The following DBF4B variants were observed in gnomAD, a reference collection of about 807,000 sequenced individuals.
DBF4B encodes the protein protein DBF4 homolog B.
A neutral mutation model predicts 53.4 loss-of-function variants in DBF4B; 49 were observed. The observed-to-expected ratio is 0.92, with a 90% CI of 0.73 to 1.16. The LOEUF (loss-of-function observed/expected upper bound fraction) is 1.16. Among genes scored for constraint, DBF4B ranks in the 50% most tolerant of loss-of-function variants. DBF4B has a pLI of 0.00. For missense variants in DBF4B, 692 were observed against 775.0 expected (o/e 0.89, Z 1.27); for synonymous variants, 257 against 288.7 (o/e 0.89, Z 1.11).
At position 44,751,030 on chromosome 17, in the gene DBF4B, G is replaced by T; in HGVS notation, c.1625G>T (p.Gly542Val). 1 of 1,614,086 alleles carries T rather than the reference G, an allele frequency of 6.2e-7. No homozygotes were observed. Among genetic ancestry groups the T allele is most frequent in the Non-Finnish European group, 8.5e-7 (1 of 1,179,984 alleles). Residue 542 changes from glycine (G) to valine (V), a missense_variant, in exon 14 of 14, where the codon GGA (glycine) becomes GTA (valine). Physicochemically the swap from Gly to Val is moderately radical, Grantham distance 109. This residue lies in a region of DBF4B where 597 missense variants were observed against 665.8 expected (regional missense o/e 0.90). Coordinates refer to ENST00000315005, the MANE Select transcript of DBF4B (RefSeq NM_145663.3). ...EVSPCPCLRLGYLYLLLTQSL... is the reference protein window; with the variant it reads ...EVSPCPCLRLVYLYLLLTQSL... The stretch of plus-strand genomic sequence containing the variant: ...TCCCCTTGCCCCTGTCTCAGACTTG[G>T]ATACCTTTACCTGCTGCTCACACAA...
Position 44,752,203 on chromosome 17 carries a change from G to T in DBF4B, c.*950G>T, listed in dbSNP as rs560074658. 1.1e-5 allele frequency: 6 copies of T among 557,696 alleles called. No homozygotes were observed. The African/African-American group carries it at 1.1e-4, about 11-fold the overall frequency. 34.5% of individuals were successfully genotyped at this position (557,696 alleles called of 1,614,324 possible). A position where few individuals can be genotyped will look rare whatever the true frequency, so the allele number is the denominator to read the frequency against. ...CGGGCCTCAGTTTCCTCGTCTTTAA[G>T]TAAGGGGCTTGGATGAGATGATTTC... On this transcript the variant is annotated 3_prime_UTR_variant, in exon 14 of 14. Transcript: ENST00000315005.
At chr17:44,730,887 T>G in intron 4 of DBF4B, 78 bp from the exon 5 acceptor site, 1 of 1,499,634 alleles carries the variant, frequency 6.7e-7, no homozygotes, top group Non-Finnish European at 9.2e-7. Context: ...ACATAACCCC[T>G]CACCAGCTCC....
At chr17:44,721,944 GACCA>G (rs2144839486) in intron 2 of DBF4B, among the ~76,000 whole-genome samples, 1 of 151,604 alleles carries the variant, frequency 6.6e-6, no homozygotes, top group East Asian at 1.9e-4. Flanking sequence ...TGACCAGCCT[GACCA>G]ACATGGAGAA....
Position 44,709,349 on chromosome 17 carries a change from T to A in DBF4B, c.65T>A (p.Leu22His). ...GAGAGTTCCATGGCTGAGAGTAGGC[T>A]CCGGGCCCCGGACCTAGGTGGGTAA... ...ELESSMAESR[L>H]RAPDLGVSRC... The change falls in exon 2 of 14, where the codon CTC (leucine) becomes CAC (histidine). Residue 22 changes from leucine (L) to histidine (H), a missense_variant. This residue lies in a region of DBF4B where 66 missense variants were observed against 51.3 expected (regional missense o/e 1.29). Coordinates refer to ENST00000315005, the MANE Select transcript of DBF4B (RefSeq NM_145663.3). 1 of 1,614,054 alleles carries A rather than the reference T, an allele frequency of 6.2e-7. No homozygotes were observed. The highest frequency in any genetic ancestry group is 8.5e-7 in the Non-Finnish European group (1 of 1,179,990).
chr17:44,750,039 C>T (rs1473389441), intron 13 of DBF4B: 40 of 1,000,828 alleles, frequency 4.0e-5, no homozygotes, highest in Non-Finnish European at 4.3e-5. Flanking sequence ...CCAGAGCCCC[C>T]TCTGGGACCC....
At position 44,736,533 on chromosome 17, in the gene DBF4B, C is replaced by T. The variant is rs1975451725; in HGVS notation, c.631-297C>T. On this transcript the variant is annotated intron_variant, in intron 7 of 13. Transcript: ENST00000315005. Reference sequence around the variant, plus strand: ...CATTGCAGGTGGCAGAGCTGAAGTACCCACCAGGCCTCTGGGACTCCAGAG... The same window carrying T: ...CATTGCAGGTGGCAGAGCTGAAGTATCCACCAGGCCTCTGGGACTCCAGAG... 2.6e-5 allele frequency among the ~76,000 whole-genome samples: 4 copies of T among 152,176 alleles called. No individual in the cohort carries two copies. In the South Asian group the frequency reaches 8.3e-4, roughly 32 times the overall value.
At chr17:44,732,083 G>A in intron 5 of DBF4B, 95 bp from the exon 6 acceptor site, 1 of 1,210,204 alleles carries the variant, frequency 8.3e-7, no homozygotes, top group South Asian at 1.4e-5. Context: ...TCCCATGGAT[G>A]ACTCAGGCCT....
At chr17:44,736,362 G>C (rs1975431829) in intron 7 of DBF4B, among the ~76,000 whole-genome samples, 1 of 152,124 alleles carries the variant, frequency 6.6e-6, no homozygotes, top group South Asian at 2.1e-4. Context: ...GAGTACACAA[G>C]ATAGGACATA....
At chr17:44,732,013 G>A (rs1440505095) in intron 5 of DBF4B, 165 bp from the exon 6 acceptor site, 6 of 607,772 alleles carry the variant, frequency 9.9e-6, no homozygotes, top group South Asian at 2.0e-5. Flanking sequence ...GTCTTCCTGG[G>A]GGTTGGGATG....
rs1275169871 is a variant in DBF4B, at chr17:44,749,200, C to G, written c.1189+735C>G. 5 of 1,290,012 alleles carry G rather than the reference C, an allele frequency of 3.9e-6. No homozygotes were observed. Among genetic ancestry groups the G allele is most frequent in the Non-Finnish European group, 5.1e-6 (5 of 988,868 alleles). 79.9% of individuals were successfully genotyped at this position (1,290,012 alleles called of 1,614,324 possible). A position where few individuals can be genotyped will look rare whatever the true frequency, so the allele number is the denominator to read the frequency against. ...AGCCAGTGCGGGAGCCAGCTGTTCC[C>G]GATGCCTCTGGGCCCCCCAGCCTCT... is the stretch of plus-strand genomic sequence containing the variant. On this transcript the variant is annotated intron_variant, in intron 13 of 13. Transcript: ENST00000315005. This position sits in a 1 kb window ranked among gnomAD's most constrained non-coding sequence, Gnocchi z 4.4.
intron 2 of DBF4B, among the ~76,000 whole-genome samples, chr17:44,710,688 C>T (rs1972786892): frequency 6.6e-6 from 1 of 151,936 alleles, no homozygotes; most frequent in Non-Finnish European, 1.5e-5. Flanking sequence ...ACCTCAGACT[C>T]CCAGGTAGCT....
intron 7 of DBF4B, among the ~76,000 whole-genome samples, chr17:44,735,034 A>G (rs1435804097): frequency 3.3e-5 from 5 of 152,026 alleles, no homozygotes; most frequent in Non-Finnish European, 5.9e-5. Flanking sequence ...CCCAGGAGAC[A>G]TGTTGCAATG....
intron 13 of DBF4B, chr17:44,750,045 G>T: frequency 3.0e-6 from 3 of 999,926 alleles, no homozygotes; most frequent in Non-Finnish European, 3.6e-6. Flanking sequence ...CCCCCTCTGG[G>T]ACCCCTCTCG....
chr17:44,751,152 A>G lies in DBF4B; in HGVS notation c.1747A>G (p.Asn583Asp). 1 of 1,613,794 alleles carries G rather than the reference A, an allele frequency of 6.2e-7. No individual in the cohort carries two copies. Among genetic ancestry groups the G allele is most frequent in the Non-Finnish European group, 8.5e-7 (1 of 1,179,934 alleles). ...TACCCTTGCCTTCCCCTCCTATCTCAATGATCATGACCTTGGACATCTCTG... is the reference window on the plus strand; with the variant it reads ...TACCCTTGCCTTCCCCTCCTATCTCGATGATCATGACCTTGGACATCTCTG... ...PCTLAFPSYLNDHDLGHLCQA... is the reference protein window; with the variant it reads ...PCTLAFPSYLDDHDLGHLCQA... Residue 583 changes from asparagine to aspartate, a missense_variant, in exon 14 of 14, where the codon AAT becomes GAT. By Grantham distance (23) the Asn-to-Asp change is conservative. Around this residue, in one of 3 missense-constraint regions of DBF4B, gnomAD observed 597 missense variants for 665.8 expected, o/e 0.90. Transcript: ENST00000315005.
Position 44,708,741 on chromosome 17 carries a change from GAAGAGCTCAT to G in DBF4B, c.-79_-70del. On this transcript the variant is annotated 5_prime_UTR_variant, in exon 1 of 14. It removes an upstream start codon present in the reference 5' UTR. Transcript: ENST00000315005. The stretch of plus-strand genomic sequence containing the variant: ...GAGATAACCAGGACTGTGGAATCGG[GAAGAGCTCAT>G]GGAGCTCGCGAATGTAATACGGAGG... 1 of 1,500,330 alleles carries G rather than the reference GAAGAGCTCAT, an allele frequency of 6.7e-7. No homozygotes were observed. Among genetic ancestry groups the G allele is most frequent in the Non-Finnish European group, 9.0e-7 (1 of 1,109,018 alleles). The allele number at this position is 1,500,330 out of a possible 1,614,324, so 92.9% of individuals were successfully genotyped here.
intron 12 of DBF4B, among the ~76,000 whole-genome samples, chr17:44,748,055 G>A (rs1427787012): frequency 6.6e-6 from 1 of 152,214 alleles, no homozygotes; most frequent in African/African-American, 2.4e-5. Context: ...TTCTTCAGCT[G>A]CCAAAGGGCA....
At chr17:44,724,658 C>T (rs904890070) in intron 3 of DBF4B, among the ~76,000 whole-genome samples, 3 of 152,038 alleles carry the variant, frequency 2.0e-5, no homozygotes, top group Non-Finnish European at 4.4e-5. Context: ...GGATTATAGG[C>T]GTGAGCCACC....
rs1201742204 is a variant in DBF4B, at chr17:44,748,340, G to C, written c.1065-1G>C. ...AGCTCACAGTGTTTCTGTCCCAACA[G>C]GTGGTCAGGTTCCCCAGCTTCTGAT... is the stretch of plus-strand genomic sequence containing the variant. On this transcript the variant is annotated splice_acceptor_variant, in intron 12 of 13. Transcript: ENST00000315005. LOFTEE classifies it high-confidence loss of function. 2.5e-6 allele frequency: 4 copies of C among 1,592,670 alleles called. No homozygotes were observed. Among genetic ancestry groups the C allele is most frequent in the Middle Eastern group, 1.7e-4 (1 of 5,956 alleles).
intron 13 of DBF4B, 123 bp downstream of exon 13, chr17:44,748,588 G>A (rs1367922749): frequency 1.3e-6 from 2 of 1,541,392 alleles, no homozygotes; most frequent in East Asian, 2.5e-5. Context: ...TGATGTGTTT[G>A]TGGACCCCCC....
Sources: allele counts gnomAD v4.1 joint callset (sites outside exome capture counted in the v4.1 genomes callset), GRCh38; gene constraint gnomAD v4.1.1; regional missense constraint gnomAD v4.1.1; non-coding constraint Gnocchi (gnomAD v3.1); transcripts MANE v1.5; gene names NCBI Gene and HGNC (gene_info 2026-07-23, HGNC 2026-07-21).